TRRAP: variants seen among roughly 807,000 people sequenced by gnomAD.
TRRAP encodes the protein transformation/transcription domain associated protein, also known as transformation/transcription domain-associated protein.
In TRRAP, 41 loss-of-function variants were observed where a neutral mutation model predicts 438.8. The ratio of observed to expected loss-of-function variants is 0.09; its 90% CI spans 0.07 to 0.12. The LOEUF (loss-of-function observed/expected upper bound fraction) is 0.12. Among genes scored for constraint, TRRAP ranks in the 10% least tolerant of loss-of-function variants. The pLI is 1.00. For missense variants in TRRAP, 3,122 were observed against 5,055.1 expected (o/e 0.62, Z 11.60); for synonymous variants, 1,994 against 1,962.9 (o/e 1.02, Z -0.42).
At position 98,956,835 on chromosome 7, in the gene TRRAP, G is replaced by A. The variant is rs890963154; in HGVS notation, c.6231+302G>A. Among the ~76,000 whole-genome samples the A allele has an allele frequency of 2.2e-4, 33 of 152,260 alleles. No homozygotes were observed. Among genetic ancestry groups the A allele is most frequent in the Admixed American group, 9.8e-4 (15 of 15,296 alleles). ...AGTAAGGAGTTGATTAAGAACATGT[G>A]CCCATACTGAGATCAGTTTCTGAGA... On this transcript the variant is annotated intron_variant, in intron 43 of 72. Transcript: ENST00000456197. This position sits in a 1 kb window ranked among gnomAD's most constrained non-coding sequence, Gnocchi z 4.5.
At position 98,888,013 on chromosome 7, in the gene TRRAP, G is replaced by T. The variant is rs563380859; in HGVS notation, c.151-2322G>T. Among the ~76,000 whole-genome samples, 242 of 152,028 alleles carry T rather than the reference G, an allele frequency of 1.6e-3. 1 individual carries two copies. The highest frequency in any genetic ancestry group is 6.4e-3 in the South Asian group (31 of 4,814). On this transcript the variant is annotated intron_variant, in intron 3 of 72. Coordinates refer to ENST00000456197, the MANE Select transcript of TRRAP (RefSeq NM_001375524.1). ...TTGGGAGGCTGAGGCAGCAGATCAC[G>T]AGGTCAGGAGATCGAGACCATCTTG...
At position 98,978,765 on chromosome 7, in the gene TRRAP, C is replaced by T. The variant is rs764481598; in HGVS notation, c.8499-4C>T. ...CTTTTGCTCTGGGATCTGTGGTCTTCTAGATGCTCCAAGGAATTGAACCAG... is the reference window on the plus strand; with the variant it reads ...CTTTTGCTCTGGGATCTGTGGTCTTTTAGATGCTCCAAGGAATTGAACCAG... On this transcript the variant is annotated splice_polypyrimidine_tract_variant and splice_region_variant and intron_variant, in intron 57 of 72. Coordinates refer to ENST00000456197, the MANE Select transcript of TRRAP (RefSeq NM_001375524.1). 1.5e-5 allele frequency: 24 copies of T among 1,614,166 alleles called. No individual in the cohort carries two copies. The highest frequency in any genetic ancestry group is 1.9e-5 in the Non-Finnish European group (23 of 1,180,044).
In TRRAP at chr7:98,948,816, G is replaced by A; in HGVS notation, c.4788+131G>A. 2.1e-6 allele frequency: 3 copies of A among 1,442,920 alleles called. No individual in the cohort carries two copies. Among genetic ancestry groups the A allele is most frequent in the Non-Finnish European group, 2.8e-6 (3 of 1,074,836 alleles). The allele number at this position is 1,442,920 out of a possible 1,614,324, so 89.4% of individuals were successfully genotyped here. On this transcript the variant is annotated intron_variant, in intron 35 of 72. Coordinates refer to ENST00000456197, the MANE Select transcript of TRRAP (RefSeq NM_001375524.1). This position sits in a 1 kb window ranked among gnomAD's most constrained non-coding sequence, Gnocchi z 4.9. The stretch of plus-strand genomic sequence containing the variant: ...TTTTTTTCAGATCCATTTGAATATT[G>A]GAAACAGCATTGCTGTTTGGTTGTG...
At chr7:98,938,807 A>T (rs1554414912) in intron 30 of TRRAP, among the ~76,000 whole-genome samples, 1 of 152,242 alleles carries the variant, frequency 6.6e-6, no homozygotes, top group Non-Finnish European at 1.5e-5. Context: ...TTCTAGTTGT[A>T]GAATTTCTGG....
intron 28 of TRRAP, among the ~76,000 whole-genome samples, chr7:98,936,486 C>T (rs539430352): frequency 2.2e-4 from 34 of 152,312 alleles, no homozygotes; most frequent in Non-Finnish European, 4.7e-4. Flanking sequence ...TGTTACCTGT[C>T]ACCTGACATA....
chr7:98,928,871 T>C (rs965247498), intron 23 of TRRAP, among the ~76,000 whole-genome samples: 4 of 151,912 alleles, frequency 2.6e-5, no homozygotes, highest in African/African-American at 9.7e-5. Flanking sequence ...CCTGCTGAGC[T>C]CAAGTGATCC....
chr7:98,927,776 CT>C (rs1790118506), intron 23 of TRRAP, among the ~76,000 whole-genome samples: 1 of 152,126 alleles, frequency 6.6e-6, no homozygotes, highest in African/African-American at 2.4e-5. Context: ...GCCTCGCAGT[CT>C]CCCCTGCGAT....
chr7:98,888,874 T>TC (rs1795836793), intron 3 of TRRAP, among the ~76,000 whole-genome samples: 1 of 152,132 alleles, frequency 6.6e-6, no homozygotes, highest in African/African-American at 2.4e-5. Context: ...TGCTGCTGCC[T>TC]CCCCCATCTC....
chr7:98,945,675 G>A, intron 31 of TRRAP, 72 bp from the exon 32 acceptor site: 3 of 1,564,302 alleles, frequency 1.9e-6, no homozygotes, highest in Non-Finnish European at 2.6e-6. Context: ...CCCTTACTGT[G>A]TTTGAGTATG....
In TRRAP at chr7:99,011,389, G is replaced by A. The variant is rs199541716; in HGVS notation, c.11191G>A (p.Ala3731Thr). 9.4e-5 allele frequency: 151 copies of A among 1,614,100 alleles called. No individual in the cohort carries two copies. Among genetic ancestry groups the A allele is most frequent in the Non-Finnish European group, 1.2e-4 (147 of 1,180,050 alleles). The change falls in exon 72 of 73, where the codon GCG becomes ACG. Residue 3731 changes from alanine to threonine, a missense_variant. By Grantham distance (58) the Ala-to-Thr change is moderately conservative. This residue lies in a region of TRRAP where 192 missense variants were observed against 355.6 expected (regional missense o/e 0.54). Transcript: ENST00000456197. This position sits in a 1 kb window ranked among gnomAD's most constrained non-coding sequence, Gnocchi z 7.1. The stretch of plus-strand genomic sequence containing the variant: ...CTACTTTCGATTTGACATAAACGAC[G>A]CGACTGGAGACCTGGATGCCAACCG... ...VAYFRFDIND[A>T]TGDLDANRPV... is the part of the protein sequence containing the mutation.
chr7:98,987,266 G>A (rs773069922), intron 62 of TRRAP, among the ~76,000 whole-genome samples: 8 of 152,152 alleles, frequency 5.3e-5, no homozygotes, highest in Non-Finnish European at 1.0e-4. Context: ...CAAAACAGTT[G>A]GAATTACGAC....
In TRRAP at chr7:98,981,868, G is replaced by A. The variant is rs1792938731; in HGVS notation, c.8734G>A (p.Glu2912Lys). Reference sequence around the variant, plus strand: ...CGAGGAGCAGCAGCTCAGCTTCATCGAGCGCCTGGTGGAGATGGCCAGCAG... The same window carrying A: ...CGAGGAGCAGCAGCTCAGCTTCATCAAGCGCCTGGTGGAGATGGCCAGCAG... ...HPEEQQLSFIERLVEMASSLA... is the reference protein window; with the variant it reads ...HPEEQQLSFIKRLVEMASSLA... Residue 2912 changes from glutamate (E) to lysine (K), a missense_variant, in exon 59 of 73, where the codon GAG (glutamate) becomes AAG (lysine). Around this residue, in one of 24 missense-constraint regions of TRRAP, gnomAD observed 992 missense variants for 1,281.2 expected, o/e 0.77. Transcript: ENST00000456197. The A allele has an allele frequency of 6.2e-7, 1 of 1,608,618 alleles. No individual in the cohort carries two copies. The highest frequency in any genetic ancestry group is 8.5e-7 in the Non-Finnish European group (1 of 1,178,258).
At chr7:99,006,027 G>A (rs1794148823) in intron 69 of TRRAP, among the ~76,000 whole-genome samples, 1 of 152,224 alleles carries the variant, frequency 6.6e-6, no homozygotes, top group African/African-American at 2.4e-5. Context: ...ATTCCTGGGT[G>A]AAATGCAGGA....
intron 40 of TRRAP, among the ~76,000 whole-genome samples, chr7:98,954,629 G>A (rs540557633): frequency 5.0e-4 from 76 of 152,188 alleles, no homozygotes; most frequent in South Asian, 3.9e-3. Flanking sequence ...CACCCACCCC[G>A]TCCCCTCTAC....
chr7:98,939,223 T>G (rs1437766294), intron 30 of TRRAP, among the ~76,000 whole-genome samples: 1 of 152,240 alleles, frequency 6.6e-6, no homozygotes, highest in Non-Finnish European at 1.5e-5. Context: ...TTTTTATTTT[T>G]GGTGTACCTT....
chr7:98,924,788 G>T (rs1789965047), intron 21 of TRRAP, among the ~76,000 whole-genome samples: 1 of 146,344 alleles, frequency 6.8e-6, no homozygotes, highest in South Asian at 2.2e-4. Flanking sequence ...CAGATCACGA[G>T]GTCAGGAGAT....
chr7:98,971,738 G>T, intron 52 of TRRAP, 61 bp from the exon 53 acceptor site: 4 of 1,570,388 alleles, frequency 2.5e-6, no homozygotes, highest in Middle Eastern at 1.7e-4. Flanking sequence ...CAGGAGGTGT[G>T]TTTGTTGGGT....
intron 9 of TRRAP, 66 bp downstream of exon 9, chr7:98,899,565 CA>C: frequency 6.2e-7 from 1 of 1,604,100 alleles, no homozygotes; most frequent in Non-Finnish European, 8.5e-7. Flanking sequence ...CATCTGGGGC[CA>C]AAAGATGTGT....
At chr7:98,954,207 G>A (rs1791484994) in intron 40 of TRRAP, among the ~76,000 whole-genome samples, 1 of 152,050 alleles carries the variant, frequency 6.6e-6, no homozygotes, top group Admixed American at 6.6e-5. Flanking sequence ...GCTTCTTCCT[G>A]GAGTCCCTCA....
Sources: gnomAD v4.1 joint callset for allele counts (sites outside exome capture counted in the v4.1 genomes callset) on GRCh38, gnomAD v4.1.1 for gene constraint, gnomAD v4.1.1 regional missense constraint, Gnocchi (gnomAD v3.1) non-coding constraint, MANE v1.5 for transcripts, NCBI Gene and HGNC (gene_info 2026-07-23, HGNC 2026-07-21) for gene names.